UBA1: variants seen among roughly 807,000 people sequenced by gnomAD.
UBA1 encodes ubiquitin like modifier activating enzyme 1, also known as ubiquitin-like modifier-activating enzyme 1.
Under a neutral mutation model 84.7 loss-of-function variants are expected in UBA1, and 4 were observed. That is an observed-to-expected ratio of 0.05 (90% CI 0.02 to 0.11). UBA1 has a LOEUF of 0.11. Ranked by LOEUF, UBA1 falls within the 10% of genes least tolerant of loss-of-function variation. The pLI, the probability that UBA1 is intolerant of heterozygous loss-of-function variation, is 1.00. For missense variants in UBA1, 513 were observed against 902.8 expected (o/e 0.57, Z 5.53); for synonymous variants, 364 against 362.6 (o/e 1.00, Z -0.04).
chrX:47,202,761 C>T lies in UBA1; in HGVS notation c.1180C>T (p.Leu394=). The T allele has an allele frequency of 1.7e-6, 2 of 1,210,130 alleles. No homozygotes were observed. The highest frequency in any genetic ancestry group is 2.2e-6 in the Non-Finnish European group (2 of 894,585). Residue 394 remains leucine (L), a synonymous_variant, in exon 11 of 26, where the codon CTG becomes TTG. Transcript: ENST00000335972. ...RKLAYVAAGD[L]APINAFIGGL... ...GCTGGCATATGTGGCTGCTGGGGAT[C>T]TGGCACCCATAAACGCCTTCATTGG...
chrX:47,200,787 C>T, intron 5 of UBA1, 107 bp from the exon 6 acceptor site: 1 of 596,613 alleles, frequency 1.7e-6, no homozygotes, highest in Admixed American at 2.7e-5. Flanking sequence ...GCTGACCCAG[C>T]AAAGCCTGGA....
chrX:47,210,175 G>T (rs781961860), intron 18 of UBA1, 52 bp downstream of exon 18: 2 of 1,182,651 alleles, frequency 1.7e-6, no homozygotes, highest in East Asian at 6.0e-5. Context: ...CCTGAAATGG[G>T]AGCCTGCAGT....
At chrX:47,209,285 C>T in intron 16 of UBA1, 2 of 411,963 alleles carry the variant, frequency 4.9e-6, no homozygotes, top group Non-Finnish European at 8.4e-6. Context: ...TCCTGAGTAG[C>T]TGGGATTACA....
Position 47,214,939 on chromosome X carries a change from C to T in UBA1, c.*10C>T. 1.7e-6 allele frequency: 2 copies of T among 1,209,195 alleles called. No individual in the cohort carries two copies. The highest frequency in any genetic ancestry group is 2.2e-6 in the Non-Finnish European group (2 of 895,399). On this transcript the variant is annotated 3_prime_UTR_variant, in exon 26 of 26. Transcript: ENST00000335972. ...ATACACCATCCGCTGACCCCGTCTG[C>T]TCCTCTAGGCTGGCCCCTTGTCCAC...
rs200892576 is a variant in UBA1 at position 47,199,503 on chromosome X, C to T, written c.369C>T (p.Ile123=). 1.5e-5 allele frequency: 18 copies of T among 1,211,699 alleles called. No homozygotes were observed. The highest frequency in any genetic ancestry group is 3.5e-5 in the African/African-American group (2 of 57,728). Residue 123 remains isoleucine (I), a synonymous_variant, in exon 5 of 26, where the codon ATC becomes ATT. Coordinates refer to ENST00000335972, the MANE Select transcript of UBA1 (RefSeq NM_003334.4). ...AGTTCTACCTGCGGGAGGAGGACATCGGTAAAAACCGGGCCGAGGTATCAC... is the reference window on the plus strand; with the variant it reads ...AGTTCTACCTGCGGGAGGAGGACATTGGTAAAAACCGGGCCGAGGTATCAC... ...SSQFYLREED[I]GKNRAEVSQP... is the part of the protein sequence containing the mutation.
In UBA1 at chrX:47,198,817, G is replaced by A. The variant is rs782514089; in HGVS notation, c.15G>A (p.Pro5=). 6.6e-6 allele frequency: 8 copies of A among 1,211,569 alleles called. No homozygotes were observed. The highest frequency in any genetic ancestry group is 5.2e-5 in the African/African-American group (3 of 57,743). The change falls in exon 2 of 26, where the codon CCG becomes CCA. Residue 5 remains proline, a synonymous_variant. Coordinates refer to ENST00000335972, the MANE Select transcript of UBA1 (RefSeq NM_003334.4). ...TTTTCCTCCAGATGTCCAGCTCGCC[G>A]CTGTCCAAGAAACGTCGCGTGTCCG... MSSS[P]LSKKRRVSGP...
rs1309858798 is a variant in UBA1 at position 47,197,974 on chromosome X, A to C, written c.1-829A>C. ...GCATCTGGCACAAGGAGGACTCCTG[A>C]TCAATCTAATACTCATTTATCATTG... is the stretch of plus-strand genomic sequence containing the variant. On this transcript the variant is annotated intron_variant, in intron 1 of 25. Coordinates refer to ENST00000335972, the MANE Select transcript of UBA1 (RefSeq NM_003334.4). The C allele has an allele frequency of 5.9e-6, 5 of 842,287 alleles. No homozygotes were observed. The African/African-American group carries it at 1.1e-4, about 18-fold the overall frequency. 69.4% of individuals were successfully genotyped at this position (842,287 alleles called of 1,213,427 possible).
At chrX:47,204,147 T>TG (rs1187729662) in intron 14 of UBA1, among the ~76,000 whole-genome samples, 5 of 93,157 alleles carry the variant, frequency 5.4e-5, no homozygotes, top group Admixed American at 2.4e-4. Flanking sequence ...CTGTTTTTTT[T>TG]TTTTTTTTTT....
intron 14 of UBA1, chrX:47,205,733 G>A: frequency 2.2e-6 from 1 of 457,925 alleles, no homozygotes; most frequent in Non-Finnish European, 3.8e-6. Flanking sequence ...ACACACCTGT[G>A]GTCCCAGCTA....
intron 1 of UBA1, chrX:47,197,125 A>AT: frequency 1.3e-6 from 1 of 754,602 alleles, no homozygotes; most frequent in Non-Finnish European, 1.6e-6. Context: ...ATTCTAAGCA[A>AT]TTCACCTGGC....
At chrX:47,195,690 T>A (rs1354969237) in intron 1 of UBA1, among the ~76,000 whole-genome samples, 1 of 111,010 alleles carries the variant, frequency 9.0e-6, no homozygotes, top group Non-Finnish European at 1.9e-5. Flanking sequence ...ATTAACCTTT[T>A]TAAGGCCTGC....
rs1388469891 is a variant in UBA1 at position 47,209,924 on chromosome X, A to G, written c.2004-4A>G. The G allele has an allele frequency of 4.1e-6, 5 of 1,209,932 alleles. No individual in the cohort carries two copies. The East Asian group carries it at 1.2e-4, about 29-fold the overall frequency. ...TATCCTCTGTCCTCTTCGATTCCTGATAGAGACCCCAAGTTTGTGGAGCGA... is the reference window on the plus strand; with the variant it reads ...TATCCTCTGTCCTCTTCGATTCCTGGTAGAGACCCCAAGTTTGTGGAGCGA... On this transcript the variant is annotated splice_polypyrimidine_tract_variant and splice_region_variant and intron_variant, in intron 17 of 25. Coordinates refer to ENST00000335972, the MANE Select transcript of UBA1 (RefSeq NM_003334.4).
upstream of UBA1, chrX:47,191,354 C>T (rs1355199988): frequency 9.0e-6 from 1 of 111,526 alleles, no homozygotes; most frequent in African/African-American, 3.3e-5. Context: ...ACCGACGTGG[C>T]ATTGTGGAGG....
intron 11 of UBA1, 58 bp from the exon 12 acceptor site, chrX:47,202,883 CTG>C: frequency 2.5e-6 from 3 of 1,200,810 alleles, no homozygotes; most frequent in Non-Finnish European, 3.4e-6. Flanking sequence ...CACTTGCTCT[CTG>C]TCTGTGTCAG....
intron 5 of UBA1, among the ~76,000 whole-genome samples, 193 bp from the exon 6 acceptor site, chrX:47,200,701 C>T (rs982920599): frequency 1.8e-5 from 2 of 112,112 alleles, no homozygotes; most frequent in Non-Finnish European, 3.8e-5. Context: ...TTCACCTTTC[C>T]TGGTATAGTC....
intron 1 of UBA1, among the ~76,000 whole-genome samples, chrX:47,194,501 T>C (rs1602617278): frequency 8.9e-6 from 1 of 112,213 alleles, no homozygotes; most frequent in African/African-American, 3.2e-5. Context: ...AAGGGGTCCA[T>C]AGGCCCTTTA....
chrX:47,210,042 C>T lies in UBA1; in HGVS notation c.2118C>T (p.Cys706=), dbSNP rs782597501. ...AGCGACCACAGACCTGGGCTGACTG[C>T]GTGACCTGGGCCTGCCACCACTGGC... ...VLQRPQTWAD[C]VTWACHHWHT... The change falls in exon 18 of 26, where the codon TGC becomes TGT. Residue 706 remains cysteine (C), a synonymous_variant. Transcript: ENST00000335972. 1.7e-5 allele frequency: 21 copies of T among 1,210,718 alleles called. 1 individual carries two copies. In the Admixed American group the frequency reaches 2.2e-4, roughly 13 times the overall value.
rs782657351 is a variant in UBA1, at chrX:47,212,432, C to T, written c.2473C>T (p.Arg825Cys). The T allele has an allele frequency of 1.7e-6, 2 of 1,203,954 alleles. No individual in the cohort carries two copies. The highest frequency in any genetic ancestry group is 1.1e-6 in the Non-Finnish European group (1 of 888,663). The change falls in exon 21 of 26, where the codon CGT becomes TGT. Residue 825 changes from arginine to cysteine, a missense_variant. This residue lies in a region of UBA1 where 151 missense variants were observed against 260.1 expected (regional missense o/e 0.58). Coordinates refer to ENST00000335972, the MANE Select transcript of UBA1 (RefSeq NM_003334.4). ...TCCCTTTCTTCATGCAGATGACAGT[C>T]GTCTAGAGGAGCTCAAAGCCACTCT... ...QSANASVDDSRLEELKATLPS... is the reference protein window; with the variant it reads ...QSANASVDDSCLEELKATLPS...
intron 6 of UBA1, 75 bp downstream of exon 6, chrX:47,201,075 T>A: frequency 1.0e-6 from 1 of 968,690 alleles, no homozygotes; most frequent in Non-Finnish European, 1.4e-6. Flanking sequence ...GACTCTAGGC[T>A]CTCCCTGCCC....
Sources: gnomAD v4.1 joint callset for allele counts (sites outside exome capture counted in the v4.1 genomes callset) on GRCh38, gnomAD v4.1.1 for gene constraint, gnomAD v4.1.1 regional missense constraint, MANE v1.5 for transcripts, NCBI Gene and HGNC (gene_info 2026-07-23, HGNC 2026-07-21) for gene names.